Variants in PARD3B observed in about 807,000 individuals in gnomAD.
The protein encoded by PARD3B is partitioning defective 3 homolog B.
In PARD3B, 103 loss-of-function variants were observed where a neutral mutation model predicts 130.2. The observed-to-expected ratio is 0.79, with a 90% CI of 0.67 to 0.93. The LOEUF (loss-of-function observed/expected upper bound fraction) is 0.93, where lower values mean the gene tolerates loss of function less well. Ranked by LOEUF, PARD3B falls within the 40% of genes least tolerant of loss-of-function variation. The probability of loss-of-function intolerance (pLI) is 0.00; values close to 1 mark genes in which losing one functional copy is unlikely to be tolerated. For missense variants in PARD3B, 1,609 were observed against 1,499.2 expected (o/e 1.07, Z -1.21); for synonymous variants, 583 against 553.2 (o/e 1.05, Z -0.76).
chr2:205,349,006 T>C (rs2043895331), intron 18 of PARD3B, among the ~76,000 whole-genome samples: 1 of 152,158 alleles, frequency 6.6e-6, no homozygotes, highest in African/African-American at 2.4e-5. Context: ...GCATTGATAT[T>C]GTATATGTAC....
At chr2:205,398,282 C>T (rs1226366228) in intron 18 of PARD3B, among the ~76,000 whole-genome samples, 1 of 151,450 alleles carries the variant, frequency 6.6e-6, no homozygotes, top group Admixed American at 6.6e-5. Context: ...ACCTCAGTAA[C>T]AAGAGTGAAA....
intron 1 of PARD3B, among the ~76,000 whole-genome samples, chr2:204,647,103 G>GT (rs1235700283): frequency 2.6e-5 from 4 of 151,880 alleles, no homozygotes; most frequent in African/African-American, 9.7e-5. Context: ...TTAAACCACT[G>GT]TAAGTTGGAG....
intron 2 of PARD3B, among the ~76,000 whole-genome samples, chr2:204,789,249 A>C (rs183823980): frequency 6.6e-6 from 1 of 152,204 alleles, no homozygotes; most frequent in Non-Finnish European, 1.5e-5. Flanking sequence ...TTTTTCATAG[A>C]GATGGGGTCT....
intron 2 of PARD3B, among the ~76,000 whole-genome samples, chr2:204,696,209 G>T (rs1047688334): frequency 2.6e-5 from 4 of 151,890 alleles, no homozygotes; most frequent in African/African-American, 4.8e-5. Flanking sequence ...ATGGAAAGTT[G>T]TGAGAAAAAC....
chr2:204,639,664 T>C (rs963236721), intron 1 of PARD3B, among the ~76,000 whole-genome samples: 9 of 152,212 alleles, frequency 5.9e-5, no homozygotes, highest in African/African-American at 1.9e-4. Context: ...GTGGGTTATA[T>C]GTAAATACCG....
At chr2:204,652,098 T>G (rs2035499005) in intron 1 of PARD3B, among the ~76,000 whole-genome samples, 5 of 152,002 alleles carry the variant, frequency 3.3e-5, no homozygotes, top group Admixed American at 3.3e-4. Context: ...GGAGACATTT[T>G]CCCCATTGTC....
At chr2:205,546,709 C>A (rs2052396052) in intron 21 of PARD3B, among the ~76,000 whole-genome samples, 1 of 152,150 alleles carries the variant, frequency 6.6e-6, no homozygotes, top group African/African-American at 2.4e-5. Flanking sequence ...AATTTCCTAT[C>A]CTCTATTTGC....
intron 15 of PARD3B, 103 bp downstream of exon 15, chr2:205,193,423 A>G (rs1354304019): frequency 2.3e-6 from 2 of 855,890 alleles, no homozygotes; most frequent in Middle Eastern, 2.7e-4. Context: ...CTCAGGGAAC[A>G]AGGTCTGCAG....
chr2:204,961,767 C>A (rs1382357218), intron 2 of PARD3B, among the ~76,000 whole-genome samples: 3 of 152,098 alleles, frequency 2.0e-5, no homozygotes, highest in African/African-American at 7.2e-5. Context: ...GCAGAAAGTA[C>A]TTTGAGAAGG....
intron 18 of PARD3B, among the ~76,000 whole-genome samples, chr2:205,353,344 T>C (rs2044062684): frequency 6.6e-6 from 1 of 152,200 alleles, no homozygotes; most frequent in South Asian, 2.1e-4. Flanking sequence ...TACCGCTCCA[T>C]GGAACAAATT....
chr2:205,061,600 G>A (rs1268636871), intron 4 of PARD3B, among the ~76,000 whole-genome samples: 1 of 152,046 alleles, frequency 6.6e-6, no homozygotes, highest in Non-Finnish European at 1.5e-5. Context: ...TGGATAGAAG[G>A]TGTAGGATAA....
chr2:205,376,607 A>T (rs932908287), intron 18 of PARD3B, among the ~76,000 whole-genome samples: 1 of 152,198 alleles, frequency 6.6e-6, no homozygotes, highest in East Asian at 1.9e-4. Context: ...ATCATGGCTG[A>T]TGTGTTCAAG....
chr2:205,408,886 A>C (rs2046501123), intron 19 of PARD3B, among the ~76,000 whole-genome samples: 1 of 152,078 alleles, frequency 6.6e-6, no homozygotes, highest in African/African-American at 2.4e-5. Context: ...AATAGTCCCA[A>C]TTTATTATTA....
intron 1 of PARD3B, among the ~76,000 whole-genome samples, chr2:204,633,681 G>A (rs2034768978): frequency 6.6e-6 from 1 of 152,086 alleles, no homozygotes; most frequent in South Asian, 2.1e-4. Context: ...GCATGGTGGT[G>A]CACACCTGTA....
intron 20 of PARD3B, among the ~76,000 whole-genome samples, chr2:205,491,330 A>G (rs575284139): frequency 4.6e-5 from 7 of 152,336 alleles, no homozygotes; most frequent in South Asian, 2.1e-4. Flanking sequence ...CCATATGGCT[A>G]GCCAGTTTTC....
At chr2:205,527,823 A>G (rs1220137851) in intron 21 of PARD3B, among the ~76,000 whole-genome samples, 1 of 152,216 alleles carries the variant, frequency 6.6e-6, no homozygotes, top group African/African-American at 2.4e-5. Context: ...GACATACCAT[A>G]TTCATCTTAG....
intron 3 of PARD3B, among the ~76,000 whole-genome samples, chr2:204,978,006 A>T (rs1692341441): frequency 6.6e-6 from 1 of 152,074 alleles, no homozygotes; most frequent in African/African-American, 2.4e-5. Flanking sequence ...GAGAGAACAG[A>T]ACAGATAAAC....
intron 18 of PARD3B, among the ~76,000 whole-genome samples, chr2:205,377,467 G>T (rs1427534732): frequency 6.6e-6 from 1 of 152,104 alleles, no homozygotes; most frequent in African/African-American, 2.4e-5. Flanking sequence ...CAGCAGAAGA[G>T]AATGCCAGAA....
At position 205,525,662 on chromosome 2, in the gene PARD3B, G is replaced by T. The variant is rs930333323; in HGVS notation, c.3180+25631G>T. On this transcript the variant is annotated intron_variant, in intron 21 of 22. Transcript: ENST00000406610. The surrounding 1 kb of genome is among the most constrained non-coding windows in gnomAD (Gnocchi z 4.2). ...TATAATACAGTAGGAAATTCTCTCTGCAGGTTCAGAACAGTACACATGAGA... is the reference window on the plus strand; with the variant it reads ...TATAATACAGTAGGAAATTCTCTCTTCAGGTTCAGAACAGTACACATGAGA... 6.6e-6 allele frequency among the ~76,000 whole-genome samples: 1 copy of T among 152,142 alleles called. No individual in the cohort carries two copies. The highest frequency in any genetic ancestry group is 2.4e-5 in the African/African-American group (1 of 41,436).
Sources: allele counts gnomAD v4.1 joint callset (sites outside exome capture counted in the v4.1 genomes callset), GRCh38; gene constraint gnomAD v4.1.1; non-coding constraint Gnocchi (gnomAD v3.1); transcripts MANE v1.5; gene names NCBI Gene and HGNC (gene_info 2026-07-23, HGNC 2026-07-21).